The following DCUN1D1 variants were observed in gnomAD, a reference collection of about 807,000 sequenced individuals.
The protein encoded by DCUN1D1 is defective in cullin neddylation 1 domain containing 1.
Under a neutral mutation model 39.0 loss-of-function variants are expected in DCUN1D1, and 3 were observed. The ratio of observed to expected loss-of-function variants is 0.08; its 90% CI spans 0.04 to 0.20. The LOEUF is 0.20. Ranked by LOEUF, DCUN1D1 falls within the 10% of genes least tolerant of loss-of-function variation. The pLI, the probability that DCUN1D1 is intolerant of heterozygous loss-of-function variation, is 1.00. For synonymous variants in DCUN1D1, 82 were observed against 96.3 expected (o/e 0.85, Z 0.87); for missense variants, 158 against 302.4 (o/e 0.52, Z 3.54).
chr3:182,965,771 TAAACTG>T lies in DCUN1D1; in HGVS notation c.4-24_4-19del, dbSNP rs776924255. The stretch of plus-strand genomic sequence containing the variant: ...AACTTGTTCTATTGAAACCAGAAAA[TAAACTG>T]AAACTCTATGTAAAATCACATAAGA... On this transcript the variant is annotated intron_variant, in intron 1 of 6. Transcript: ENST00000292782. 1.9e-6 allele frequency: 3 copies of T among 1,553,720 alleles called. No homozygotes were observed. Among genetic ancestry groups the T allele is most frequent in the Non-Finnish European group, 2.7e-6 (3 of 1,129,304 alleles).
intron 1 of DCUN1D1, among the ~76,000 whole-genome samples, chr3:182,971,574 C>G (rs1011589553): frequency 1.4e-5 from 2 of 142,502 alleles, no homozygotes; most frequent in Non-Finnish European, 3.0e-5. Context: ...GCGACCCTAT[C>G]TTAAAAAAAA....
At chr3:182,983,361 A>G (rs148820554), upstream of DCUN1D1, among the ~76,000 whole-genome samples, 236 of 152,332 alleles carry the variant, frequency 1.5e-3, 1 homozygote, top group African/African-American at 5.3e-3. Flanking sequence ...ATGCCCAGCT[A>G]TTACGCCCAT....
intron 1 of DCUN1D1, among the ~76,000 whole-genome samples, chr3:182,972,389 T>C (rs1012152698): frequency 2.0e-5 from 3 of 152,226 alleles, no homozygotes; most frequent in Admixed American, 6.5e-5. Flanking sequence ...ACTCTTATAA[T>C]TTGAAGTTTA....
At chr3:182,983,785 T>C (rs1487885974), upstream of DCUN1D1, among the ~76,000 whole-genome samples, 1 of 152,136 alleles carries the variant, frequency 6.6e-6, no homozygotes, top group Non-Finnish European at 1.5e-5. Context: ...GGCTATCTGG[T>C]TAGTCTATTC....
chr3:182,966,800 T>C (rs141734280), intron 1 of DCUN1D1, among the ~76,000 whole-genome samples: 89 of 152,278 alleles, frequency 5.8e-4, no homozygotes, highest in African/African-American at 2.0e-3. Context: ...GAGGTACTCA[T>C]GAATAGACAC....
chr3:182,953,689 A>G (rs1221832619), intron 4 of DCUN1D1, among the ~76,000 whole-genome samples: 1 of 152,228 alleles, frequency 6.6e-6, no homozygotes, highest in Non-Finnish European at 1.5e-5. Context: ...CTGAAGCAGT[A>G]TTGGAAAAGA....
At chr3:182,976,786 T>C (rs987293394) in intron 1 of DCUN1D1, among the ~76,000 whole-genome samples, 2 of 152,192 alleles carry the variant, frequency 1.3e-5, no homozygotes, top group African/African-American at 2.4e-5. Context: ...CTGTGATATA[T>C]ACATCCCTTC....
In DCUN1D1 at chr3:182,938,657, A is replaced by AT. The variant is rs1017266846; in HGVS notation, c.*6436dup. ...TACATATACCTGACATACGCCATTA[A>AT]TTTTTTAAAAAGCACTCACTCCGAT... On this transcript the variant is annotated 3_prime_UTR_variant, in exon 7 of 7. Transcript: ENST00000292782. The AT allele has an allele frequency of 9.9e-5, 15 of 152,174 alleles. No homozygotes were observed. Among genetic ancestry groups the AT allele is most frequent in the African/African-American group, 3.4e-4 (14 of 41,434 alleles). 9.4% of individuals were successfully genotyped at this position (152,174 alleles called of 1,614,324 possible). A position where few individuals can be genotyped will look rare whatever the true frequency, so the allele number is the denominator to read the frequency against.
At chr3:182,954,768 A>G (rs1726942962) in intron 4 of DCUN1D1, among the ~76,000 whole-genome samples, 1 of 152,196 alleles carries the variant, frequency 6.6e-6, no homozygotes, top group African/African-American at 2.4e-5. Context: ...ACTTGAGATC[A>G]TTTACCAAAA....
upstream of DCUN1D1, chr3:182,980,721 GGGCGGGGGCGGGGGGCGC>G (rs1728508185): frequency 8.5e-6 from 2 of 234,442 alleles, no homozygotes; most frequent in African/African-American, 2.4e-5. Context: ...CCCGGGGAGT[GGGCGGGGGCGGGGGGCGC>G]GGCGGGGGAG....
In DCUN1D1 at chr3:182,945,388, T is replaced by C. The variant is rs557458040; in HGVS notation, c.701-215A>G. Among the ~76,000 whole-genome samples, 3 of 152,324 alleles carry C rather than the reference T, an allele frequency of 2.0e-5. No homozygotes were observed. The South Asian group carries it at 6.2e-4, about 32-fold the overall frequency. On this transcript the variant is annotated intron_variant, in intron 6 of 6. Transcript: ENST00000292782. ...TTCCTTGTGATTTATTACTCCAACA[T>C]TTGGTTGTTCCTTGAGTGATAAAAG...
chr3:182,971,760 T>A (rs966425956), intron 1 of DCUN1D1, among the ~76,000 whole-genome samples: 5 of 152,176 alleles, frequency 3.3e-5, no homozygotes, highest in African/African-American at 4.8e-5. Flanking sequence ...ATCATTTATT[T>A]ACTTATTCAA....
intron 1 of DCUN1D1, among the ~76,000 whole-genome samples, chr3:182,973,527 G>C (rs1324687124): frequency 6.6e-6 from 1 of 152,170 alleles, no homozygotes; most frequent in East Asian, 1.9e-4. Context: ...ATTCAGAAGT[G>C]GCCGGGCGCA....
intron 1 of DCUN1D1, among the ~76,000 whole-genome samples, chr3:182,965,954 T>C (rs968457329): frequency 6.6e-6 from 1 of 152,052 alleles, no homozygotes; most frequent in Non-Finnish European, 1.5e-5. Flanking sequence ...ATGGTACAGT[T>C]TTGGAAGAGA....
intron 6 of DCUN1D1, among the ~76,000 whole-genome samples, chr3:182,946,028 AG>A (rs1726381126): frequency 6.6e-6 from 1 of 152,144 alleles, no homozygotes; most frequent in African/African-American, 2.4e-5. Flanking sequence ...CCGAGATCAC[AG>A]GGGGTTTTTC....
chr3:182,968,876 A>G (rs1433508768), intron 1 of DCUN1D1, among the ~76,000 whole-genome samples: 1 of 152,238 alleles, frequency 6.6e-6, no homozygotes, highest in Non-Finnish European at 1.5e-5. Flanking sequence ...CTGGGATTAC[A>G]GGCATGAGCC....
upstream of DCUN1D1, among the ~76,000 whole-genome samples, chr3:182,982,031 T>C (rs113811042): frequency 6.6e-6 from 1 of 152,202 alleles, no homozygotes; most frequent in African/African-American, 2.4e-5. Flanking sequence ...TATTAACACC[T>C]AGGGCGTTAA....
intron 1 of DCUN1D1, among the ~76,000 whole-genome samples, chr3:182,972,050 G>GTTTTT (rs397877483): frequency 8.3e-5 from 9 of 108,860 alleles, no homozygotes; most frequent in East Asian, 2.8e-4. Flanking sequence ...TCTATTTAGG[G>GTTTTT]TTTTTTTTTT....
chr3:182,961,982 C>T (rs1450104413), intron 3 of DCUN1D1, among the ~76,000 whole-genome samples: 3 of 152,138 alleles, frequency 2.0e-5, no homozygotes, highest in Admixed American at 1.3e-4. Flanking sequence ...GGTAGAAATA[C>T]CCTATTTCTT....
Sources: gnomAD v4.1 joint callset for allele counts (sites outside exome capture counted in the v4.1 genomes callset) on GRCh38, gnomAD v4.1.1 for gene constraint, MANE v1.5 for transcripts, NCBI Gene and HGNC (gene_info 2026-07-23, HGNC 2026-07-21) for gene names.